Variants in PLA2G2C observed in about 807,000 individuals in gnomAD.
The protein encoded by PLA2G2C is phospholipase A2 group IIC, also known as putative inactive group IIC secretory phospholipase A2.
PLA2G2C carries 15 observed loss-of-function variants against 14.3 expected under a neutral mutation model. That is an observed-to-expected ratio of 1.05 (90% CI 0.70 to 1.62). The LOEUF (loss-of-function observed/expected upper bound fraction) is 1.62, where lower values mean the gene tolerates loss of function less well. PLA2G2C is among the 40% of genes most tolerant of loss of function. The probability of loss-of-function intolerance (pLI) is 0.00; values close to 1 mark genes in which losing one functional copy is unlikely to be tolerated. For synonymous variants in PLA2G2C, 79 were observed against 67.7 expected, an observed-to-expected ratio of 1.17 and a Z score of -0.82; for missense variants, 162 against 173.2, an observed-to-expected ratio of 0.94 and a Z score of 0.36.
At chr1:20,180,121 G>A (rs1349136685) in intron 1 of PLA2G2C, among the ~76,000 whole-genome samples, 1 of 151,908 alleles carries the variant, frequency 6.6e-6, no homozygotes, top group African/African-American at 2.4e-5. Context: ...TTCTATGTCA[G>A]CTTCTCCCTT....
intron 1 of PLA2G2C, among the ~76,000 whole-genome samples, chr1:20,178,590 T>G (rs1474990496): frequency 6.6e-6 from 1 of 152,184 alleles, no homozygotes; most frequent in East Asian, 1.9e-4. Context: ...TTAATTAGGT[T>G]CTGTCTCTAC....
At chr1:20,165,798 T>C (rs565326976) in intron 4 of PLA2G2C, among the ~76,000 whole-genome samples, 1 of 152,050 alleles carries the variant, frequency 6.6e-6, no homozygotes, top group East Asian at 1.9e-4. Flanking sequence ...GTGCGTGCAT[T>C]GTGTGTTTGT....
chr1:20,181,057 C>T (rs1041435941), intron 1 of PLA2G2C, among the ~76,000 whole-genome samples: 1 of 152,192 alleles, frequency 6.6e-6, no homozygotes, highest in Admixed American at 6.5e-5. Flanking sequence ...ATACTACCCA[C>T]GATGATGGCT....
chr1:20,164,621 G>C (rs1173983736), intron 4 of PLA2G2C, among the ~76,000 whole-genome samples: 1 of 152,176 alleles, frequency 6.6e-6, no homozygotes, highest in Non-Finnish European at 1.5e-5. Flanking sequence ...TTTTCCCAGA[G>C]CTCATCTCCT....
At chr1:20,171,721 C>T (rs1441878144) in intron 4 of PLA2G2C, among the ~76,000 whole-genome samples, 1 of 151,186 alleles carries the variant, frequency 6.6e-6, no homozygotes, top group Admixed American at 6.6e-5. Flanking sequence ...CGAGGCCAGG[C>T]AGGAAGTGAG....
At position 20,175,138 on chromosome 1, in the gene PLA2G2C, G is replaced by T. The variant is rs757295443; in HGVS notation, c.48C>A (p.Thr16=). The T allele has an allele frequency of 1.2e-6, 2 of 1,613,834 alleles. No homozygotes were observed. Among genetic ancestry groups the T allele is most frequent in the Middle Eastern group, 1.6e-4 (1 of 6,062 alleles). Residue 16 remains threonine (T), a synonymous_variant, in exon 3 of 5, where the codon ACC becomes ACA. Coordinates refer to ENST00000679259, the MANE Select transcript of PLA2G2C (RefSeq NM_001367969.2). ...TCTGAAACTGCCAGAAACTGCTGTGGGTGGGGGCTGCCACCACCGATGAGA... is the reference window on the plus strand; with the variant it reads ...TCTGAAACTGCCAGAAACTGCTGTGTGTGGGGGCTGCCACCACCGATGAGA... ...ILTLLLFCSP[T]HSSFWQFQRR...
Position 20,168,456 on chromosome 1 carries a change from G to A in PLA2G2C, c.284-4299C>T, listed in dbSNP as rs1049201658. The stretch of plus-strand genomic sequence containing the variant: ...AGACAGGCTTGCTCCTTGCTCTCAC[G>A]GACCTTTCTAGTCGGTGGGGGAGAG... On this transcript the variant is annotated intron_variant, in intron 4 of 4. Transcript: ENST00000679259. 3.3e-5 allele frequency among the ~76,000 whole-genome samples: 5 copies of A among 152,278 alleles called. No homozygotes were observed. The South Asian group carries it at 6.2e-4, about 19-fold the overall frequency.
intron 1 of PLA2G2C, among the ~76,000 whole-genome samples, chr1:20,183,346 A>G (rs1440015805): frequency 6.6e-6 from 1 of 152,218 alleles, no homozygotes; most frequent in Non-Finnish European, 1.5e-5. Context: ...CCCCACGACC[A>G]GTGCAACGGA....
At chr1:20,165,421 C>T (rs2017958927) in intron 4 of PLA2G2C, among the ~76,000 whole-genome samples, 1 of 152,180 alleles carries the variant, frequency 6.6e-6, no homozygotes, top group Non-Finnish European at 1.5e-5. Flanking sequence ...TGTCTGCCTC[C>T]CCTCAAAGAA....
At chr1:20,178,501 TGG>T (rs752785109) in intron 1 of PLA2G2C, among the ~76,000 whole-genome samples, 1 of 152,214 alleles carries the variant, frequency 6.6e-6, no homozygotes, top group Non-Finnish European at 1.5e-5. Context: ...GGCAACATTC[TGG>T]TGGATGCTGC....
At chr1:20,164,876 C>G (rs2100710018) in intron 4 of PLA2G2C, among the ~76,000 whole-genome samples, 1 of 152,378 alleles carries the variant, frequency 6.6e-6, no homozygotes, top group Admixed American at 6.5e-5. Context: ...GCCCTCTTCT[C>G]TCTATGTCTT....
chr1:20,164,781 G>C (rs996227123), intron 4 of PLA2G2C, among the ~76,000 whole-genome samples: 1 of 152,226 alleles, frequency 6.6e-6, no homozygotes, highest in East Asian at 1.9e-4. Flanking sequence ...AGCCGACCTC[G>C]CTGCCCCCGC....
Position 20,166,494 on chromosome 1 carries a change from G to A in PLA2G2C, c.284-2337C>T, listed in dbSNP as rs539675704. Among the ~76,000 whole-genome samples, 158 of 152,214 alleles carry A rather than the reference G, an allele frequency of 1.0e-3. 1 individual carries two copies. Among genetic ancestry groups the A allele is most frequent in the African/African-American group, 3.3e-3 (137 of 41,526 alleles). On this transcript the variant is annotated intron_variant, in intron 4 of 4. Transcript: ENST00000679259. ...CCCCAGGTAGCCCCCACTCTCTCAG[G>A]GGACGAGGGCTACTTGAGCTCAGGC...
intron 3 of PLA2G2C, among the ~76,000 whole-genome samples, chr1:20,173,415 C>A (rs1472745455): frequency 1.3e-5 from 2 of 152,158 alleles, no homozygotes; most frequent in Non-Finnish European, 2.9e-5. Flanking sequence ...TCATAGAAAC[C>A]TATAAAGTAC....
chr1:20,177,284 G>A (rs1235752734), intron 2 of PLA2G2C, 40 bp downstream of exon 2: 1 of 700,472 alleles, frequency 1.4e-6, no homozygotes, highest in Non-Finnish European at 2.6e-6. Context: ...TAAACAGGAA[G>A]ACAGAAGCTT....
chr1:20,172,119 C>A (rs904625302), intron 4 of PLA2G2C, among the ~76,000 whole-genome samples: 6 of 152,168 alleles, frequency 3.9e-5, no homozygotes, highest in African/African-American at 1.2e-4. Context: ...ACCCCAGGAT[C>A]CACCCTGGCT....
chr1:20,181,386 G>A (rs1286216841), intron 1 of PLA2G2C, among the ~76,000 whole-genome samples: 1 of 152,116 alleles, frequency 6.6e-6, no homozygotes, highest in East Asian at 1.9e-4. Context: ...TCCCGATGAG[G>A]CATATACGAT....
intron 1 of PLA2G2C, among the ~76,000 whole-genome samples, chr1:20,182,748 T>G (rs961154482): frequency 6.6e-6 from 1 of 152,246 alleles, no homozygotes; most frequent in African/African-American, 2.4e-5. Context: ...TCAATCCACA[T>G]GTCTAATGAG....
chr1:20,180,753 G>A (rs1348804502), intron 1 of PLA2G2C, among the ~76,000 whole-genome samples: 1 of 152,236 alleles, frequency 6.6e-6, no homozygotes, highest in Non-Finnish European at 1.5e-5. Context: ...CACAGGACCC[G>A]AGGGCCCGAG....
Sources: allele counts gnomAD v4.1 joint callset (sites outside exome capture counted in the v4.1 genomes callset), GRCh38; gene constraint gnomAD v4.1.1; transcripts MANE v1.5; gene names NCBI Gene and HGNC (gene_info 2026-07-23, HGNC 2026-07-21).